TENM3: variants seen among roughly 807,000 people sequenced by gnomAD.
TENM3 encodes teneurin-3.
TENM3 carries 63 observed loss-of-function variants against 255.1 expected under a neutral mutation model. That is an observed-to-expected ratio of 0.25 (90% CI 0.20 to 0.30). The LOEUF (loss-of-function observed/expected upper bound fraction) is 0.30. Among genes scored for constraint, TENM3 ranks in the 10% least tolerant of loss-of-function variants. TENM3 has a pLI of 1.00. For missense variants in TENM3, 2,929 were observed against 3,461.1 expected (o/e 0.85, Z 3.86); for synonymous variants, 1,306 against 1,322.3 (o/e 0.99, Z 0.27).
At chr4:181,880,376 A>T in the TENM3 span, among the ~76,000 whole-genome samples, 1 of 152,240 alleles carries the variant, frequency 6.6e-6, no homozygotes, top group Non-Finnish European at 1.5e-5. Flanking sequence ...AACACATGCA[A>T]ATAATAAATA....
At chr4:182,559,008 A>G (rs1742856279) in intron 3 of TENM3, among the ~76,000 whole-genome samples, 1 of 152,202 alleles carries the variant, frequency 6.6e-6, no homozygotes, top group South Asian at 2.1e-4. Flanking sequence ...CATTGGCATC[A>G]TAATTTTCCA....
the TENM3 span, among the ~76,000 whole-genome samples, chr4:181,959,413 G>A: frequency 6.6e-6 from 1 of 152,206 alleles, no homozygotes; most frequent in Non-Finnish European, 1.5e-5. Flanking sequence ...GTTTCAACAG[G>A]AGATGTTCAT....
chr4:182,382,915 T>TA (rs1767669744), intron 3 of TENM3, among the ~76,000 whole-genome samples: 1 of 152,204 alleles, frequency 6.6e-6, no homozygotes, highest in East Asian at 1.9e-4. Context: ...CTACGGTTCT[T>TA]ACAGTTTTAG....
the TENM3 span, among the ~76,000 whole-genome samples, chr4:181,490,729 T>C: frequency 6.6e-6 from 1 of 152,210 alleles, no homozygotes; most frequent in Non-Finnish European, 1.5e-5. Context: ...TTATAATTGT[T>C]ATCAGTAATA....
At chr4:182,213,876 A>C (rs1246546015) in intron 1 of TENM3, among the ~76,000 whole-genome samples, 1 of 151,972 alleles carries the variant, frequency 6.6e-6, no homozygotes, top group Admixed American at 6.6e-5. Flanking sequence ...ATCTCGGCTC[A>C]CTGCAAGCTC....
At chr4:182,665,052 A>G (rs1453503636) in intron 6 of TENM3, among the ~76,000 whole-genome samples, 3 of 152,218 alleles carry the variant, frequency 2.0e-5, no homozygotes, top group South Asian at 2.1e-4. Flanking sequence ...AAAGAGCCTT[A>G]GACTGGAAGA....
At chr4:182,594,829 C>T (rs1351029661) in intron 3 of TENM3, among the ~76,000 whole-genome samples, 1 of 151,902 alleles carries the variant, frequency 6.6e-6, no homozygotes, top group African/African-American at 2.4e-5. Context: ...ATGCAATTCT[C>T]CTGCCTCAGC....
chr4:181,888,494 G>GTATATATATGTATGTATATA, the TENM3 span, among the ~76,000 whole-genome samples: 9 of 28,240 alleles, frequency 3.2e-4, no homozygotes, highest in African/African-American at 1.2e-3. Context: ...ATAGAAATGT[G>GTATATATATGTATGTATATA]TATATATATA....
intron 22 of TENM3, among the ~76,000 whole-genome samples, chr4:182,765,884 A>C (rs1763675858): frequency 6.6e-6 from 1 of 152,188 alleles, no homozygotes. Context: ...TTCCAAAAGA[A>C]ATAACACTTA....
chr4:182,050,679 C>A, the TENM3 span, among the ~76,000 whole-genome samples: 1 of 152,076 alleles, frequency 6.6e-6, no homozygotes, highest in African/African-American at 2.4e-5. Flanking sequence ...CGGTGCACAC[C>A]TGTAATCCCA....
intron 1 of TENM3, among the ~76,000 whole-genome samples, chr4:182,194,779 C>T (rs1245100635): frequency 6.6e-6 from 1 of 152,068 alleles, no homozygotes; most frequent in South Asian, 2.1e-4. Flanking sequence ...CACGGTCTTC[C>T]GTGTTATTTA....
intron 1 of TENM3, among the ~76,000 whole-genome samples, chr4:182,146,652 AAC>A (rs1393206388): frequency 2.0e-5 from 3 of 152,196 alleles, no homozygotes; most frequent in African/African-American, 7.2e-5. Context: ...GTTCAAATCA[AAC>A]ACACATTTTA....
chr4:182,319,555 G>C (rs967108107), intron 1 of TENM3, among the ~76,000 whole-genome samples: 1 of 152,150 alleles, frequency 6.6e-6, no homozygotes, highest in African/African-American at 2.4e-5. Context: ...TGTGGCACTG[G>C]AGAATTGCTT....
At chr4:181,913,337 C>A in the TENM3 span, among the ~76,000 whole-genome samples, 8 of 152,138 alleles carry the variant, frequency 5.3e-5, no homozygotes. Flanking sequence ...ATGCTCAGTG[C>A]CGCCAAGTGA....
chr4:181,567,607 T>G, the TENM3 span, among the ~76,000 whole-genome samples: 1 of 152,222 alleles, frequency 6.6e-6, no homozygotes, highest in South Asian at 2.1e-4. Flanking sequence ...CATGTTGAGG[T>G]GACTTCCTTT....
chr4:182,506,993 T>C (rs759104628), intron 3 of TENM3, among the ~76,000 whole-genome samples: 9 of 152,214 alleles, frequency 5.9e-5, no homozygotes, highest in Non-Finnish European at 1.3e-4. Flanking sequence ...ATCTGTCATA[T>C]TCATGATCCG....
chr4:182,522,353 G>A (rs532568348), intron 3 of TENM3, among the ~76,000 whole-genome samples: 2 of 152,096 alleles, frequency 1.3e-5, no homozygotes, highest in South Asian at 4.1e-4. Flanking sequence ...CTTTCACTTT[G>A]CAGCCACTGG....
At chr4:182,159,142 G>A (rs191979566) in intron 1 of TENM3, among the ~76,000 whole-genome samples, 11 of 152,280 alleles carry the variant, frequency 7.2e-5, no homozygotes, top group Non-Finnish European at 1.2e-4. Flanking sequence ...TGCCTGGCCC[G>A]GGGCCCCCAC....
At chr4:181,904,939 GT>G in the TENM3 span, among the ~76,000 whole-genome samples, 144 of 152,236 alleles carry the variant, frequency 9.5e-4, no homozygotes, top group African/African-American at 3.3e-3. Context: ...GAAAATGGGA[GT>G]TTCCCTGCAC....
Sources: gnomAD v4.1 joint callset for allele counts (sites outside exome capture counted in the v4.1 genomes callset) on GRCh38, gnomAD v4.1.1 for gene constraint, MANE v1.5 for transcripts, NCBI Gene and HGNC (gene_info 2026-07-23, HGNC 2026-07-21) for gene names.